CD109: variants seen among roughly 807,000 people sequenced by gnomAD.
CD109 encodes the protein CD109 antigen.
Under a neutral mutation model 165.8 loss-of-function variants are expected in CD109, and 149 were observed. The ratio of observed to expected loss-of-function variants is 0.90; its 90% CI spans 0.79 to 1.03. The LOEUF is 1.03. Ranked by LOEUF, CD109 falls within the 50% of genes least tolerant of loss-of-function variation. The pLI, the probability that CD109 is intolerant of heterozygous loss-of-function variation, is 0.00. For missense variants in CD109, 1,712 were observed against 1,677.8 expected (o/e 1.02, Z -0.36); for synonymous variants, 585 against 592.1 (o/e 0.99, Z 0.18).
intron 32 of CD109, 51 bp from the exon 33 acceptor site, chr6:73,823,407 A>G (rs749806146): frequency 4.9e-6 from 7 of 1,429,980 alleles, no homozygotes; most frequent in East Asian, 4.6e-5. Context: ...GGCAAAGTCA[A>G]TGTTTCTAAA....
At position 73,697,598 on chromosome 6, in the gene CD109, C is replaced by A. The variant is rs773994606; in HGVS notation, c.247+26C>A. Reference sequence around the variant, plus strand: ...GTAAGATAAACAGCATAAAGTCTTACCCTTCTGCAGTAATAACTGGAATAT... The same window carrying A: ...GTAAGATAAACAGCATAAAGTCTTAACCTTCTGCAGTAATAACTGGAATAT... On this transcript the variant is annotated intron_variant, in intron 2 of 32. Transcript: ENST00000287097. The A allele has an allele frequency of 1.1e-5, 18 of 1,597,736 alleles. No individual in the cohort carries two copies. In the South Asian group the frequency reaches 1.9e-4, roughly 17 times the overall value.
chr6:73,804,776 C>T (rs1775504857), intron 24 of CD109, among the ~76,000 whole-genome samples: 1 of 152,238 alleles, frequency 6.6e-6, no homozygotes, highest in Admixed American at 6.5e-5. Context: ...TGGAGCTCTT[C>T]TTTGGTAAAT....
In CD109 at chr6:73,808,119, GAGTCTGAATTCAGTAGAGGAATTTC is replaced by G; in HGVS notation, c.3229_3253del (p.Ser1077ThrfsTer5). 6.2e-7 allele frequency: 1 copy of G among 1,612,084 alleles called. No individual in the cohort carries two copies. Among genetic ancestry groups the G allele is most frequent in the South Asian group, 1.1e-5 (1 of 90,788 alleles). ...TGTGCAAGAGTCTATCCATTTTTTG[GAGTCTGAATTCAGTAGAGGAATTTC>G]AGACAATTATACTCTAGCCCTTATA... On this transcript the variant is annotated frameshift_variant, in exon 26 of 33. Transcript: ENST00000287097. LOFTEE classifies it high-confidence loss of function.
chr6:73,821,820 A>T (rs1316385602), intron 32 of CD109, among the ~76,000 whole-genome samples: 1 of 152,214 alleles, frequency 6.6e-6, no homozygotes, highest in Non-Finnish European at 1.5e-5. Context: ...AAACCTCAGC[A>T]TCACATAATA....
chr6:73,773,528 T>A (rs1314629788), intron 15 of CD109, among the ~76,000 whole-genome samples: 1 of 152,216 alleles, frequency 6.6e-6, no homozygotes, highest in Non-Finnish European at 1.5e-5. Flanking sequence ...TTCTGTGGGC[T>A]AGATTAAATT....
At chr6:73,768,011 A>T in intron 13 of CD109, 44 bp from the exon 14 acceptor site, 1 of 1,476,898 alleles carries the variant, frequency 6.8e-7, no homozygotes, top group Non-Finnish European at 9.4e-7. Context: ...ATGAGATCCT[A>T]CTAGGTTTGG....
At chr6:73,721,715 G>T (rs1285547742) in intron 2 of CD109, among the ~76,000 whole-genome samples, 1 of 151,740 alleles carries the variant, frequency 6.6e-6, no homozygotes, top group Non-Finnish European at 1.5e-5. Context: ...AAGTTAAAGT[G>T]TTTCTCTTTT....
chr6:73,691,968 T>C (rs116696640), upstream of CD109, among the ~76,000 whole-genome samples: 1,502 of 152,280 alleles, frequency 9.9e-3, 29 homozygotes, highest in African/African-American at 0.034. Flanking sequence ...AACTTTAACA[T>C]TGCCAAAGTA....
At chr6:73,791,254 G>C (rs1291236198) in intron 22 of CD109, among the ~76,000 whole-genome samples, 3 of 117,548 alleles carry the variant, frequency 2.6e-5, no homozygotes, top group Non-Finnish European at 1.7e-5. Flanking sequence ...GTTTAGCTAT[G>C]TTTGCCCCAG....
At chr6:73,815,813 C>G (rs113270613) in intron 30 of CD109, among the ~76,000 whole-genome samples, 1 of 152,162 alleles carries the variant, frequency 6.6e-6, no homozygotes, top group African/African-American at 2.4e-5. Flanking sequence ...GAGCACACTC[C>G]TTGTGAAAGT....
At chr6:73,736,550 T>A in intron 5 of CD109, 42 bp downstream of exon 5, 1 of 1,575,284 alleles carries the variant, frequency 6.3e-7, no homozygotes, top group Non-Finnish European at 8.6e-7. Flanking sequence ...TTAAAGTGAT[T>A]TAATTAGGTC....
chr6:73,768,353 TCTAGAA>T, intron 14 of CD109, 122 bp downstream of exon 14: 1 of 629,536 alleles, frequency 1.6e-6, no homozygotes. Flanking sequence ...TTATTCTATT[TCTAGAA>T]CTATGGTTAA....
Position 73,715,940 on chromosome 6 carries a change from T to C in CD109, c.248-7311T>C, listed in dbSNP as rs570653815. ...TAACCCTTCACTACTCTCCCTAGCC[T>C]CTGGTAACCATCCTTCTACACTCTT... On this transcript the variant is annotated intron_variant, in intron 2 of 32. Coordinates refer to ENST00000287097, the MANE Select transcript of CD109 (RefSeq NM_133493.5). 2.0e-5 allele frequency among the ~76,000 whole-genome samples: 3 copies of C among 152,330 alleles called. No homozygotes were observed. The East Asian group carries it at 5.8e-4, about 29-fold the overall frequency.
chr6:73,819,164 A>T (rs1450458980), intron 31 of CD109, among the ~76,000 whole-genome samples: 1 of 152,226 alleles, frequency 6.6e-6, no homozygotes, highest in Non-Finnish European at 1.5e-5. Context: ...TACACATTTT[A>T]AAATTCTTCC....
chr6:73,810,048 G>A lies in CD109; in HGVS notation c.3420G>A (p.Leu1140=), dbSNP rs1039226640. 1.9e-6 allele frequency: 3 copies of A among 1,605,912 alleles called. No homozygotes were observed. The highest frequency in any genetic ancestry group is 1.7e-5 in the Admixed American group (1 of 57,926). The part of the protein sequence containing the change: ...KLSDSWQPRS[L]DIEVAAYALL... ...CTGACTCCTGGCAGCCACGCTCCCT[G>A]GATATTGAAGTTGCAGCCTATGCAC... is the stretch of plus-strand genomic sequence containing the variant. The change falls in exon 27 of 33, where the codon CTG becomes CTA. Residue 1140 remains leucine, a synonymous_variant. Transcript: ENST00000287097.
Position 73,823,491 on chromosome 6 carries a change from T to C in CD109, c.4196T>C (p.Val1399Ala). The part of the protein sequence containing the change: ...RQAVRSYNSE[V>A]KLSSCDLCSD... ...GCGGTGAGAAGTTACAACTCTGAAG[T>C]GAAGCTGTCCTCCTGTGACCTTTGC... The change falls in exon 33 of 33, where the codon GTG becomes GCG. Residue 1399 changes from valine (V) to alanine (A), a missense_variant. By Grantham distance (64) the Val-to-Ala change is moderately conservative (BLOSUM62 0). Transcript: ENST00000287097. 1 of 1,613,362 alleles carries C rather than the reference T, an allele frequency of 6.2e-7. No homozygotes were observed. Among genetic ancestry groups the C allele is most frequent in the Non-Finnish European group, 8.5e-7 (1 of 1,179,414 alleles).
chr6:73,731,720 T>C (rs1326033753), intron 4 of CD109, among the ~76,000 whole-genome samples: 1 of 152,226 alleles, frequency 6.6e-6, no homozygotes, highest in Non-Finnish European at 1.5e-5. Flanking sequence ...AGATGCTAGC[T>C]GTGTGATCCT....
chr6:73,821,739 G>A (rs1226023644), intron 32 of CD109, among the ~76,000 whole-genome samples: 11 of 152,042 alleles, frequency 7.2e-5, no homozygotes, highest in Non-Finnish European at 1.0e-4. Flanking sequence ...AGGGAGAGGG[G>A]GAATAAGGGC....
At position 73,758,976 on chromosome 6, in the gene CD109, C is replaced by A. The variant is rs1582112533; in HGVS notation, c.706C>A (p.Pro236Thr). 1 of 1,607,234 alleles carries A rather than the reference C, an allele frequency of 6.2e-7. No individual in the cohort carries two copies. The highest frequency in any genetic ancestry group is 2.2e-5 in the East Asian group (1 of 44,764). Residue 236 changes from proline to threonine, a missense_variant, in exon 7 of 33, where the codon CCA becomes ACA. By Grantham distance (38) the Pro-to-Thr change is conservative. Coordinates refer to ENST00000287097, the MANE Select transcript of CD109 (RefSeq NM_133493.5). Reference sequence around the variant, plus strand: ...AAAATTTGAAGTGACTTTGCAGACACCATTATATTGTTCTATGAATTCTAA... The same window carrying A: ...AAAATTTGAAGTGACTTTGCAGACAACATTATATTGTTCTATGAATTCTAA... The part of the protein sequence containing the change: ...LPKFEVTLQT[P>T]LYCSMNSKHL...
Sources: allele counts gnomAD v4.1 joint callset (sites outside exome capture counted in the v4.1 genomes callset), GRCh38; gene constraint gnomAD v4.1.1; transcripts MANE v1.5; gene names NCBI Gene and HGNC (gene_info 2026-07-23, HGNC 2026-07-21).